AGPS: variants seen among roughly 807,000 people sequenced by gnomAD.
AGPS encodes alkyldihydroxyacetonephosphate synthase, peroxisomal.
In AGPS, 26 loss-of-function variants were observed where a neutral mutation model predicts 90.7. That is an observed-to-expected ratio of 0.29 (90% CI 0.21 to 0.40). AGPS has a LOEUF of 0.40. Ranked by LOEUF, AGPS falls within the 10% of genes least tolerant of loss-of-function variation. The pLI is 1.00. For missense variants in AGPS, 540 were observed against 816.1 expected (o/e 0.66, Z 4.12); for synonymous variants, 294 against 285.3 (o/e 1.03, Z -0.31).
intron 19 of AGPS, among the ~76,000 whole-genome samples, chr2:177,528,864 T>TC: frequency 7.0e-6 from 1 of 143,060 alleles, no homozygotes; most frequent in East Asian, 2.1e-4. Flanking sequence ...TTTTTTTTTT[T>TC]TTTTTTTTGA....
intron 11 of AGPS, among the ~76,000 whole-genome samples, chr2:177,484,010 GTTTTT>G (rs5836609): frequency 4.8e-5 from 7 of 145,042 alleles, no homozygotes; most frequent in Admixed American, 4.8e-4. Context: ...AAGCTAGGGT[GTTTTT>G]TTTTTTTTTT....
intron 19 of AGPS, 52 bp downstream of exon 19, chr2:177,523,857 C>T (rs764433639): frequency 6.9e-7 from 1 of 1,450,886 alleles, no homozygotes; most frequent in South Asian, 1.1e-5. Flanking sequence ...AAAAAATATT[C>T]AGTTCAGTAA....
intron 11 of AGPS, among the ~76,000 whole-genome samples, chr2:177,485,035 A>T (rs1485662178): frequency 6.6e-6 from 1 of 151,880 alleles, no homozygotes; most frequent in East Asian, 2.0e-4. Flanking sequence ...CCCAAAGTGT[A>T]GAGATTGCTG....
chr2:177,394,306 G>A (rs1013046197), intron 1 of AGPS, among the ~76,000 whole-genome samples: 7 of 152,146 alleles, frequency 4.6e-5, no homozygotes, highest in African/African-American at 1.7e-4. Flanking sequence ...CCCAGTTTTG[G>A]GTTTGTGTTT....
At chr2:177,465,522 C>T (rs1325230545) in intron 9 of AGPS, among the ~76,000 whole-genome samples, 2 of 152,202 alleles carry the variant, frequency 1.3e-5, no homozygotes, top group African/African-American at 4.8e-5. Flanking sequence ...CCATGCTTGC[C>T]AACGGCGAGC....
chr2:177,490,402 T>G (rs1218718271), intron 11 of AGPS, among the ~76,000 whole-genome samples: 1 of 152,186 alleles, frequency 6.6e-6, no homozygotes, highest in Non-Finnish European at 1.5e-5. Context: ...TCTGGTACTA[T>G]TGAAGTATGA....
chr2:177,473,717 C>T (rs1192952573), intron 10 of AGPS, among the ~76,000 whole-genome samples: 1 of 152,044 alleles, frequency 6.6e-6, no homozygotes, highest in Non-Finnish European at 1.5e-5. Flanking sequence ...TTGGAATATC[C>T]ATTTGTGATT....
At position 177,420,497 on chromosome 2, in the gene AGPS, C is replaced by G. The variant is rs1370294666; in HGVS notation, c.350+139C>G. 4 of 669,098 alleles carry G rather than the reference C, an allele frequency of 6.0e-6. No homozygotes were observed. In the Admixed American group the frequency reaches 8.9e-5, roughly 15 times the overall value. The allele number at this position is 669,098 out of a possible 1,614,324, so 41.4% of individuals were successfully genotyped here. On this transcript the variant is annotated intron_variant, in intron 2 of 19. Coordinates refer to ENST00000264167, the MANE Select transcript of AGPS (RefSeq NM_003659.4). ...ATTTTGCCATAACTGCTTTTTGTCT[C>G]CTGGTAATATTTCAAATTCTGATGT...
intron 15 of AGPS, 59 bp from the exon 16 acceptor site, chr2:177,507,911 G>A (rs1002818659): frequency 1.8e-6 from 2 of 1,132,680 alleles, no homozygotes; most frequent in Non-Finnish European, 2.7e-6. Flanking sequence ...GACTAACAGT[G>A]TTATTGATTC....
At chr2:177,407,500 G>A (rs553638196) in intron 1 of AGPS, among the ~76,000 whole-genome samples, 1 of 152,208 alleles carries the variant, frequency 6.6e-6, no homozygotes, top group African/African-American at 2.4e-5. Context: ...AGCAAAAGCA[G>A]GAGCAAGAGT....
At chr2:177,499,784 A>G (rs1028976123) in intron 14 of AGPS, 54 bp downstream of exon 14, 26 of 1,180,670 alleles carry the variant, frequency 2.2e-5, no homozygotes, top group South Asian at 1.3e-4. Context: ...TAAGATTCTA[A>G]TATCACCAAG....
At chr2:177,489,081 A>G (rs1688175639) in intron 11 of AGPS, among the ~76,000 whole-genome samples, 2 of 133,080 alleles carry the variant, frequency 1.5e-5, no homozygotes, top group Admixed American at 1.8e-4. Flanking sequence ...GAATATTTTG[A>G]TGTTTCTTTT....
chr2:177,468,628 A>G (rs1687525139), intron 10 of AGPS, 104 bp downstream of exon 10: 8 of 799,402 alleles, frequency 1.0e-5, no homozygotes, highest in Non-Finnish European at 1.6e-5. Context: ...CATGTTTTAT[A>G]TGTTTAAGGA....
At chr2:177,483,520 G>T (rs1688006081) in intron 11 of AGPS, among the ~76,000 whole-genome samples, 1 of 152,172 alleles carries the variant, frequency 6.6e-6, no homozygotes, top group East Asian at 1.9e-4. Flanking sequence ...CTACTCCTGG[G>T]TAGGGAGAGG....
intron 3 of AGPS, among the ~76,000 whole-genome samples, chr2:177,436,493 G>A (rs1045326106): frequency 4.0e-5 from 6 of 151,776 alleles, no homozygotes; most frequent in East Asian, 1.9e-4. Context: ...TAGATAGTGC[G>A]AAAGTCAAGT....
intron 1 of AGPS, among the ~76,000 whole-genome samples, chr2:177,407,663 T>A (rs556447741): frequency 2.8e-4 from 42 of 152,106 alleles, no homozygotes; most frequent in Non-Finnish European, 4.7e-4. Flanking sequence ...CCCCGGGGAC[T>A]GCAATTTAAC....
intron 2 of AGPS, among the ~76,000 whole-genome samples, chr2:177,429,034 A>G (rs1270713853): frequency 6.6e-6 from 1 of 151,278 alleles, no homozygotes; most frequent in Non-Finnish European, 1.5e-5. Context: ...TTTTTTCTCT[A>G]TTCTTGTCTG....
At chr2:177,441,192 A>C (rs1028052275) in intron 6 of AGPS, 156 bp downstream of exon 6, 1 of 671,784 alleles carries the variant, frequency 1.5e-6, no homozygotes, top group African/African-American at 1.8e-5. Flanking sequence ...TTTTTGTTCT[A>C]AGTAGGATTC....
chr2:177,492,001 G>T (rs748930456), intron 11 of AGPS, among the ~76,000 whole-genome samples: 2 of 152,040 alleles, frequency 1.3e-5, no homozygotes, highest in Non-Finnish European at 2.9e-5. Context: ...GGTCACGCTG[G>T]TCTTGAGCTC....
Sources: allele counts gnomAD v4.1 joint callset (sites outside exome capture counted in the v4.1 genomes callset), GRCh38; gene constraint gnomAD v4.1.1; transcripts MANE v1.5; gene names NCBI Gene and HGNC (gene_info 2026-07-23, HGNC 2026-07-21).